ISLR2: variants seen among roughly 807,000 people sequenced by gnomAD.
The protein encoded by ISLR2 is immunoglobulin superfamily containing leucine-rich repeat protein 2.
In ISLR2, 16 loss-of-function variants were observed where a neutral mutation model predicts 25.5. The observed-to-expected ratio is 0.63, with a 90% CI of 0.43 to 0.95. The LOEUF (loss-of-function observed/expected upper bound fraction) is 0.95, where lower values mean the gene tolerates loss of function less well. Among genes scored for constraint, ISLR2 ranks in the 40% least tolerant of loss-of-function variants. The probability of loss-of-function intolerance (pLI) is 0.00; values close to 1 mark genes in which losing one functional copy is unlikely to be tolerated. For synonymous variants in ISLR2, 508 were observed against 486.6 expected (o/e 1.04, Z -0.58); for missense variants, 883 against 1,030.7 (o/e 0.86, Z 1.96).
chr15:74,118,690 C>T (rs533472988), intron 2 of ISLR2, among the ~76,000 whole-genome samples: 1 of 150,562 alleles, frequency 6.6e-6, no homozygotes, highest in Non-Finnish European at 1.5e-5. Context: ...TGGAGTCTCA[C>T]TCTGTCACCC....
chr15:74,104,503 G>A (rs1047907457), intron 2 of ISLR2, among the ~76,000 whole-genome samples: 9 of 152,200 alleles, frequency 5.9e-5, no homozygotes, highest in Non-Finnish European at 1.3e-4. Context: ...ATTTTGCAGG[G>A]GCTGCATGGT....
chr15:74,121,694 C>T (rs779154186), intron 2 of ISLR2, among the ~76,000 whole-genome samples: 1 of 152,164 alleles, frequency 6.6e-6, no homozygotes, highest in Non-Finnish European at 1.5e-5. Flanking sequence ...ACTTTAGACC[C>T]CCTTACACTG....
At chr15:74,116,007 G>A (rs138380429) in intron 2 of ISLR2, among the ~76,000 whole-genome samples, 143 of 151,826 alleles carry the variant, frequency 9.4e-4, no homozygotes, top group Non-Finnish European at 1.8e-3. Flanking sequence ...AGACTAGCCT[G>A]GGCAACATAG....
intron 2 of ISLR2, among the ~76,000 whole-genome samples, chr15:74,119,544 C>A (rs572808992): frequency 1.2e-4 from 19 of 152,188 alleles, no homozygotes; most frequent in African/African-American, 4.3e-4. Context: ...TTGGCTACCC[C>A]CTCCCCCTTA....
rs1007885498 is a variant in ISLR2, at chr15:74,132,634, C to G, written c.-8-113C>G. ...GGCTCCTGGCCATAGAGGAGGTTACCGGAGCCCTGGAACTAGTGCTAAACG... is the reference window on the plus strand; with the variant it reads ...GGCTCCTGGCCATAGAGGAGGTTACGGGAGCCCTGGAACTAGTGCTAAACG... On this transcript the variant is annotated intron_variant, in intron 2 of 2. Coordinates refer to ENST00000453268, the MANE Select transcript of ISLR2 (RefSeq NM_020851.3). The surrounding 1 kb of genome is among the most constrained non-coding windows in gnomAD (Gnocchi z 4.3). The G allele has an allele frequency of 2.9e-6, 4 of 1,394,892 alleles. No individual in the cohort carries two copies. The African/African-American group carries it at 4.3e-5, about 15-fold the overall frequency. The allele number at this position is 1,394,892 out of a possible 1,614,324, so 86.4% of individuals were successfully genotyped here.
At chr15:74,128,162 G>A (rs1009320579), upstream of ISLR2, 14 of 297,524 alleles carry the variant, frequency 4.7e-5, no homozygotes, top group Admixed American at 1.1e-4. Context: ...GGCGCCGGAC[G>A]AGGTGCGCGC....
intron 2 of ISLR2, among the ~76,000 whole-genome samples, chr15:74,109,753 C>G (rs1384325107): frequency 1.3e-5 from 2 of 152,140 alleles, no homozygotes; most frequent in Non-Finnish European, 2.9e-5. Context: ...ATGCTGTTGG[C>G]CCAGGGACCA....
chr15:74,134,875 G>A lies in ISLR2; in HGVS notation c.2121G>A (p.Lys707=). The A allele has an allele frequency of 6.2e-7, 1 of 1,614,174 alleles. No individual in the cohort carries two copies. Among genetic ancestry groups the A allele is most frequent in the Admixed American group, 1.7e-5 (1 of 60,036 alleles). ...GCTCACTGGTGGAGTCCCAGTCCAA[G>A]GCCAACCAAGAGGAGTTCGAGGCGG... ...AACSLVESQS[K]ANQEEFEAGS... is the part of the protein sequence containing the mutation. Residue 707 remains lysine, a synonymous_variant, in exon 3 of 3, where the codon AAG becomes AAA. Transcript: ENST00000453268.
chr15:74,139,595 G>A (rs766869742), downstream of ISLR2, among the ~76,000 whole-genome samples: 91 of 152,146 alleles, frequency 6.0e-4, no homozygotes, highest in Non-Finnish European at 5.6e-4. Flanking sequence ...GGAATCAGTT[G>A]TTTAGCAGTT....
At chr15:74,118,947 G>A (rs1442378329) in intron 2 of ISLR2, among the ~76,000 whole-genome samples, 1 of 150,826 alleles carries the variant, frequency 6.6e-6, no homozygotes, top group East Asian at 2.0e-4. Flanking sequence ...CTGAGCCACC[G>A]CACCTGGCCT....
chr15:74,109,181 A>G (rs925180833), intron 2 of ISLR2, among the ~76,000 whole-genome samples: 2 of 152,190 alleles, frequency 1.3e-5, no homozygotes, highest in African/African-American at 4.8e-5. Context: ...AGCTATAAAC[A>G]TAAGTTGCAC....
At chr15:74,122,335 T>A (rs1405210651) in intron 2 of ISLR2, among the ~76,000 whole-genome samples, 1 of 152,216 alleles carries the variant, frequency 6.6e-6, no homozygotes, top group Non-Finnish European at 1.5e-5. Flanking sequence ...CACAGAGTCT[T>A]TCCAGGCTAC....
chr15:74,130,340 G>A (rs936707851), upstream of ISLR2: 1 of 152,180 alleles, frequency 6.6e-6, no homozygotes. Context: ...TGGCTTCGGG[G>A]AGGAGGCGGC....
At chr15:74,140,573 T>A (rs2072606106), downstream of ISLR2, among the ~76,000 whole-genome samples, 1 of 152,202 alleles carries the variant, frequency 6.6e-6, no homozygotes, top group Non-Finnish European at 1.5e-5. Flanking sequence ...GGGATCTCCT[T>A]TCTCTGCAGA....
intron 1 of ISLR2, among the ~76,000 whole-genome samples, chr15:74,102,117 C>G (rs2072085144): frequency 7.0e-6 from 1 of 143,542 alleles, no homozygotes; most frequent in South Asian, 2.3e-4. Context: ...CCTCAGGAGA[C>G]TGAGTCACAA....
chr15:74,133,155 G>A lies in ISLR2; in HGVS notation c.401G>A (p.Arg134His), dbSNP rs150353936. 9 of 1,612,982 alleles carry A rather than the reference G, an allele frequency of 5.6e-6. No homozygotes were observed. Among genetic ancestry groups the A allele is most frequent in the African/African-American group, 4.0e-5 (3 of 75,064 alleles). The part of the protein sequence containing the change: ...ALQLLKMNHN[R>H]LGSLPRDALG... ...CAGCTGCTCAAAATGAACCACAACC[G>A]CCTGGGCTCTCTGCCCCGGGACGCA... Residue 134 changes from arginine to histidine, a missense_variant, in exon 3 of 3, where the codon CGC becomes CAC. Coordinates refer to ENST00000453268, the MANE Select transcript of ISLR2 (RefSeq NM_020851.3).
chr15:74,127,947 C>G (rs949708390), upstream of ISLR2: 1 of 161,472 alleles, frequency 6.2e-6, no homozygotes, highest in Non-Finnish European at 1.3e-5. Context: ...GATTCTGAAT[C>G]TGGGACCCTC....
chr15:74,108,315 C>T (rs2072138114), intron 2 of ISLR2, among the ~76,000 whole-genome samples: 1 of 152,192 alleles, frequency 6.6e-6, no homozygotes, highest in East Asian at 1.9e-4. Flanking sequence ...GCTGGAGGCA[C>T]AGCTCCTTGG....
upstream of ISLR2, chr15:74,130,397 C>A (rs1399793499): frequency 6.6e-6 from 1 of 152,196 alleles, no homozygotes; most frequent in African/African-American, 2.4e-5. Context: ...AGCTCGGCTG[C>A]GCGCAGCTCA....
Sources: allele counts gnomAD v4.1 joint callset (sites outside exome capture counted in the v4.1 genomes callset), GRCh38; gene constraint gnomAD v4.1.1; non-coding constraint Gnocchi (gnomAD v3.1); transcripts MANE v1.5; gene names NCBI Gene and HGNC (gene_info 2026-07-23, HGNC 2026-07-21).